KLC1: variants seen among roughly 807,000 people sequenced by gnomAD.
The protein encoded by KLC1 is kinesin 2 60/70kDa.
A neutral mutation model predicts 84.2 loss-of-function variants in KLC1; 30 were observed. That is an observed-to-expected ratio of 0.36 (90% confidence interval 0.27 to 0.48). The LOEUF (loss-of-function observed/expected upper bound fraction) is 0.48. Ranked by LOEUF, KLC1 falls within the 20% of genes least tolerant of loss-of-function variation. KLC1 has a pLI of 0.99. For synonymous variants in KLC1, 289 were observed against 293.3 expected, an observed-to-expected ratio of 0.99 and a Z score of 0.15; for missense variants, 499 against 805.4, an observed-to-expected ratio of 0.62 and a Z score of 4.60.
chr14:103,682,339 C>T (rs1437110689), intron 13 of KLC1: 1 of 150,494 alleles, frequency 6.6e-6, no homozygotes, highest in African/African-American at 2.5e-5. Flanking sequence ...CACTGCACTC[C>T]AGCCTGGGTG....
intron 1 of KLC1, among the ~76,000 whole-genome samples, chr14:103,640,649 C>T (rs1021932630): frequency 6.6e-6 from 1 of 152,038 alleles, no homozygotes; most frequent in Non-Finnish European, 1.5e-5. Context: ...CGTGAGCCAC[C>T]GCGCCCGGCC....
At chr14:103,685,661 A>G in intron 13 of KLC1, 1 of 1,289,434 alleles carries the variant, frequency 7.8e-7, no homozygotes, top group Non-Finnish European at 1.0e-6. Context: ...TGACTCTCAC[A>G]CTGTCTCCTG....
chr14:103,685,647 C>T (rs1408750099), intron 13 of KLC1: 1 of 1,289,472 alleles, frequency 7.8e-7, no homozygotes, highest in Non-Finnish European at 1.0e-6. Flanking sequence ...GGCCTAGCCG[C>T]CCGTGACTCT....
In KLC1 at chr14:103,681,554, G is replaced by T. The variant is rs183634101; in HGVS notation, c.1650+2009G>T. 6.6e-5 allele frequency among the ~76,000 whole-genome samples: 10 copies of T among 152,098 alleles called. No individual in the cohort carries two copies. The East Asian group carries it at 1.7e-3, about 27-fold the overall frequency. ...GGCTCACTGCAACCTCTGCCTCCTG[G>T]TTCAAGCAATTCTCCTGCCTCAGCC... On this transcript the variant is annotated intron_variant, in intron 13 of 16. Coordinates refer to ENST00000334553, the MANE Select transcript of KLC1 (RefSeq NM_001394837.1).
At chr14:103,632,681 A>G (rs537076978) in intron 1 of KLC1, among the ~76,000 whole-genome samples, 1 of 152,220 alleles carries the variant, frequency 6.6e-6, no homozygotes, top group Admixed American at 6.6e-5. Context: ...AGATCACGCC[A>G]TTGCACTCCA....
rs1026574803 is a variant in KLC1 at position 103,673,402 on chromosome 14, C to T, written c.1232C>T (p.Ala411Val). 17 of 1,607,848 alleles carry T rather than the reference C, an allele frequency of 1.1e-5. No individual in the cohort carries two copies. The highest frequency in any genetic ancestry group is 4.0e-5 in the African/African-American group (3 of 74,574). The change falls in exon 9 of 17, where the codon GCA becomes GTA. Residue 411 changes from alanine to valine, a missense_variant. This residue lies in a region of KLC1 where 153 missense variants were observed against 332.4 expected (regional missense o/e 0.46). Transcript: ENST00000334553. ...CTGTACAAAGAGATTCTCACTCGTGCACATGAAAGGGAGTTTGGTTCTGTA... is the reference window on the plus strand; with the variant it reads ...CTGTACAAAGAGATTCTCACTCGTGTACATGAAAGGGAGTTTGGTTCTGTA... Reference protein sequence around the residue: ...ETLYKEILTRAHEREFGSVDD... With the variant: ...ETLYKEILTRVHEREFGSVDD...
At chr14:103,639,362 C>T (rs1055677591) in intron 1 of KLC1, among the ~76,000 whole-genome samples, 31 of 151,982 alleles carry the variant, frequency 2.0e-4, no homozygotes, top group African/African-American at 7.3e-4. Context: ...AACTCCTGAC[C>T]TCAAGTGATC....
chr14:103,668,352 C>T (rs1595454057), intron 5 of KLC1, among the ~76,000 whole-genome samples: 1 of 152,346 alleles, frequency 6.6e-6, no homozygotes, highest in Non-Finnish European at 1.5e-5. Context: ...TCCCAGTGGC[C>T]TAGATGGGAA....
chr14:103,673,062 G>T lies in KLC1; in HGVS notation c.1036G>T (p.Ala346Ser). 6.2e-7 allele frequency: 1 copy of T among 1,613,948 alleles called. No individual in the cohort carries two copies. Among genetic ancestry groups the T allele is most frequent in the East Asian group, 2.2e-5 (1 of 44,874 alleles). ...TGTTGCCAAGCAGTTAAATAACTTGGCCTTACTGTGCCAGAACCAGGGCAA... is the reference window on the plus strand; with the variant it reads ...TGTTGCCAAGCAGTTAAATAACTTGTCCTTACTGTGCCAGAACCAGGGCAA... Reference protein sequence around the residue: ...PDVAKQLNNLALLCQNQGKYE... With the variant: ...PDVAKQLNNLSLLCQNQGKYE... The change falls in exon 8 of 17, where the codon GCC becomes TCC. Residue 346 changes from alanine to serine, a missense_variant. Transcript: ENST00000334553.
chr14:103,685,488 A>G, intron 13 of KLC1: 12 of 1,252,814 alleles, frequency 9.6e-6, no homozygotes, highest in Non-Finnish European at 1.1e-5. Context: ...TGGTAGAAGC[A>G]GGCAGAAGGT....
At chr14:103,685,990 G>A in intron 13 of KLC1, 1 of 1,101,934 alleles carries the variant, frequency 9.1e-7, no homozygotes, top group Non-Finnish European at 1.1e-6. Context: ...GCATGACGGT[G>A]ACCTGTTGAC....
intron 13 of KLC1, among the ~76,000 whole-genome samples, chr14:103,684,612 G>T (rs764677276): frequency 6.6e-6 from 1 of 152,228 alleles, no homozygotes; most frequent in Non-Finnish European, 1.5e-5. Context: ...AGGCAGCTGG[G>T]TCGGACCCCA....
chr14:103,654,920 A>G (rs2078715300), intron 2 of KLC1, 95 bp downstream of exon 2: 2 of 1,375,744 alleles, frequency 1.5e-6, no homozygotes, highest in African/African-American at 2.9e-5. Flanking sequence ...AAGAGGAAAG[A>G]TGATTATAGA....
intron 9 of KLC1, among the ~76,000 whole-genome samples, chr14:103,673,929 A>AT (rs2080651268): frequency 6.6e-6 from 1 of 152,096 alleles, no homozygotes; most frequent in African/African-American, 2.4e-5. Flanking sequence ...TCTCAAAAAA[A>AT]AAAAAAGACA....
intron 15 of KLC1, chr14:103,696,889 G>C: frequency 1.0e-6 from 1 of 985,370 alleles, no homozygotes; most frequent in Non-Finnish European, 1.2e-6. Context: ...AGTGTTCTGG[G>C]ACTGACTGCC....
intron 13 of KLC1, chr14:103,685,782 C>G (rs1431318844): frequency 1.6e-6 from 2 of 1,247,402 alleles, no homozygotes; most frequent in Non-Finnish European, 2.1e-6. Context: ...ACTGGCCATT[C>G]CTTTCGGTGC....
At position 103,700,432 on chromosome 14, in the gene KLC1, G is replaced by A. The variant is rs568421373; in HGVS notation, c.1849-223G>A. Reference sequence around the variant, plus strand: ...ACCGCACAGCTTGGTGAGCCATGGTGATGGGGGAGGGTGACACAGCTGCTC... The same window carrying A: ...ACCGCACAGCTTGGTGAGCCATGGTAATGGGGGAGGGTGACACAGCTGCTC... On this transcript the variant is annotated intron_variant, in intron 15 of 16. Transcript: ENST00000334553. 11 of 474,300 alleles carry A rather than the reference G, an allele frequency of 2.3e-5. No homozygotes were observed. In the Middle Eastern group the frequency reaches 1.6e-3, roughly 70 times the overall value. 29.4% of individuals were successfully genotyped at this position (474,300 alleles called of 1,614,324 possible). A position where few individuals can be genotyped will look rare whatever the true frequency, so the allele number is the denominator to read the frequency against.
intron 15 of KLC1, 70 bp from the exon 16 acceptor site, chr14:103,700,585 C>T (rs1172039842): frequency 7.7e-7 from 1 of 1,290,708 alleles, no homozygotes; most frequent in East Asian, 2.4e-5. Context: ...GGTGTCACGC[C>T]CGGAGCTCTG....
intron 12 of KLC1, 69 bp downstream of exon 12, chr14:103,677,592 T>C (rs1289796516): frequency 8.4e-6 from 7 of 834,916 alleles, no homozygotes; most frequent in Admixed American, 2.1e-5. Context: ...TTTACATGAA[T>C]TTTATTGAAA....
Sources: allele counts gnomAD v4.1 joint callset (sites outside exome capture counted in the v4.1 genomes callset), GRCh38; gene constraint gnomAD v4.1.1; regional missense constraint gnomAD v4.1.1; transcripts MANE v1.5; gene names NCBI Gene and HGNC (gene_info 2026-07-23, HGNC 2026-07-21).